Variants in KCNB2 observed in about 807,000 individuals in gnomAD.
KCNB2 encodes potassium voltage-gated channel subfamily B member 2.
KCNB2 carries 15 observed loss-of-function variants against 61.5 expected under a neutral mutation model. The ratio of observed to expected loss-of-function variants is 0.24; its 90% CI spans 0.16 to 0.38. The LOEUF is 0.38. Among genes scored for constraint, KCNB2 ranks in the 10% least tolerant of loss-of-function variants. KCNB2 has a pLI of 1.00. For missense variants in KCNB2, 828 were observed against 1,125.2 expected (o/e 0.74, Z 3.78); for synonymous variants, 457 against 446.0 (o/e 1.02, Z -0.31).
intron 2 of KCNB2, among the ~76,000 whole-genome samples, chr8:72,581,150 T>C (rs1806887440): frequency 6.6e-6 from 1 of 152,142 alleles, no homozygotes; most frequent in South Asian, 2.1e-4. Context: ...AGAAGGAACA[T>C]CATTTTTTTC....
intron 2 of KCNB2, among the ~76,000 whole-genome samples, chr8:72,622,476 T>C (rs1805728972): frequency 1.3e-5 from 2 of 152,176 alleles, no homozygotes; most frequent in Admixed American, 1.3e-4. Context: ...ATGATCAACC[T>C]TGATGGAATA....
At chr8:72,906,198 G>A (rs1263414395) in intron 2 of KCNB2, among the ~76,000 whole-genome samples, 1 of 152,136 alleles carries the variant, frequency 6.6e-6, no homozygotes, top group Non-Finnish European at 1.5e-5. Context: ...TGAGACCCAG[G>A]CCTTGTGCCT....
chr8:72,748,853 A>G (rs1448025384), intron 2 of KCNB2, among the ~76,000 whole-genome samples: 1 of 151,956 alleles, frequency 6.6e-6, no homozygotes, highest in African/African-American at 2.4e-5. Context: ...ATTTTTTTGC[A>G]GTGAGAACAC....
chr8:72,827,381 C>T (rs941559558), intron 2 of KCNB2, among the ~76,000 whole-genome samples: 2 of 151,998 alleles, frequency 1.3e-5, no homozygotes, highest in African/African-American at 4.8e-5. Context: ...ATTTTTTAAA[C>T]CAATATACTC....
At chr8:72,831,540 G>A (rs1809695794) in intron 2 of KCNB2, among the ~76,000 whole-genome samples, 1 of 152,210 alleles carries the variant, frequency 6.6e-6, no homozygotes, top group South Asian at 2.1e-4. Context: ...GATTCAAACA[G>A]TGGACACGGA....
At chr8:72,775,724 TA>T (rs59529067) in intron 2 of KCNB2, among the ~76,000 whole-genome samples, 93,560 of 145,688 alleles carry the variant, frequency 0.64, 29,616 homozygotes, top group East Asian at 0.75. Flanking sequence ...GAATGAGCTT[TA>T]AAAAAAAAAA....
intron 2 of KCNB2, among the ~76,000 whole-genome samples, chr8:72,867,244 T>C (rs146390546): frequency 7.9e-5 from 12 of 152,344 alleles, no homozygotes; most frequent in South Asian, 2.1e-4. Flanking sequence ...TTGTGAAGCA[T>C]ATGGCTTGAT....
At chr8:72,740,385 C>G (rs16938345) in intron 2 of KCNB2, among the ~76,000 whole-genome samples, 3,866 of 152,222 alleles carry the variant, frequency 0.025, 68 homozygotes, top group South Asian at 0.075. Flanking sequence ...CAAGATTCAG[C>G]TCTCAACGTA....
intron 2 of KCNB2, among the ~76,000 whole-genome samples, chr8:72,855,011 C>G (rs988082037): frequency 6.6e-6 from 1 of 152,118 alleles, no homozygotes; most frequent in Non-Finnish European, 1.5e-5. Context: ...GGAGGCCTTC[C>G]CAGTGGGGAC....
At chr8:72,785,489 A>G (rs1808832121) in intron 2 of KCNB2, among the ~76,000 whole-genome samples, 1 of 152,164 alleles carries the variant, frequency 6.6e-6, no homozygotes, top group African/African-American at 2.4e-5. Context: ...GAAAGAAAAT[A>G]AAGTTAATCA....
intron 1 of KCNB2, among the ~76,000 whole-genome samples, chr8:72,563,183 A>C (rs945752330): frequency 3.9e-5 from 6 of 152,190 alleles, no homozygotes; most frequent in African/African-American, 1.4e-4. Flanking sequence ...TGATAAGTTT[A>C]TTTCTATCTA....
chr8:72,892,950 G>T (rs1805923839), intron 2 of KCNB2, among the ~76,000 whole-genome samples: 1 of 152,082 alleles, frequency 6.6e-6, no homozygotes, highest in African/African-American at 2.4e-5. Context: ...TATGAGCTTT[G>T]CAGTGTCAGC....
intron 2 of KCNB2, among the ~76,000 whole-genome samples, chr8:72,606,753 C>G (rs562811117): frequency 6.6e-6 from 1 of 152,168 alleles, no homozygotes; most frequent in Non-Finnish European, 1.5e-5. Flanking sequence ...AATGAATATC[C>G]ACCCCTTCAC....
rs149046685 is a variant in KCNB2, at chr8:72,864,926, G to C, written c.580-71009G>C. Among the ~76,000 whole-genome samples, 604 of 152,256 alleles carry C rather than the reference G, an allele frequency of 4.0e-3. 4 individuals carry two copies. Among genetic ancestry groups the C allele is most frequent in the African/African-American group, 0.012 (505 of 41,540 alleles). The stretch of plus-strand genomic sequence containing the variant: ...CGAGAAGGAATCAGAACCAGCATTA[G>C]ATACTTATATGTTTGTCCTGCTGAC... On this transcript the variant is annotated intron_variant, in intron 2 of 2. Transcript: ENST00000523207.
At chr8:72,569,667 T>C (rs192792691) in intron 2 of KCNB2, among the ~76,000 whole-genome samples, 74 of 152,278 alleles carry the variant, frequency 4.9e-4, no homozygotes, top group Non-Finnish European at 9.4e-4. Context: ...TGGGTTTTGA[T>C]TGAGAAAGGC....
At chr8:72,597,001 C>CTTTTTTTTTTTTTTTTTTTTT (rs869160203) in intron 2 of KCNB2, among the ~76,000 whole-genome samples, 3 of 64,660 alleles carry the variant, frequency 4.6e-5, no homozygotes, top group Admixed American at 1.8e-4. Context: ...TGCTTGCTTG[C>CTTTTTTTTTTTTTTTTTTTTT]TTTTTTTTTT....
intron 2 of KCNB2, among the ~76,000 whole-genome samples, chr8:72,923,217 G>A (rs964328221): frequency 8.6e-5 from 13 of 151,904 alleles, no homozygotes; most frequent in Admixed American, 2.6e-4. Flanking sequence ...AGAATAGATT[G>A]TGTTTCTTAT....
At chr8:72,927,066 T>C (rs1031135870) in intron 2 of KCNB2, among the ~76,000 whole-genome samples, 34 of 152,110 alleles carry the variant, frequency 2.2e-4, no homozygotes, top group African/African-American at 8.2e-4. Flanking sequence ...AGGCATGGAG[T>C]GGGGCCGGAG....
chr8:72,611,883 T>C (rs1014201605), intron 2 of KCNB2, among the ~76,000 whole-genome samples: 17 of 152,080 alleles, frequency 1.1e-4, no homozygotes, highest in Admixed American at 7.9e-4. Context: ...CGTTTTCAAA[T>C]GGGAACAATA....
Sources: allele counts gnomAD v4.1 joint callset (sites outside exome capture counted in the v4.1 genomes callset), GRCh38; gene constraint gnomAD v4.1.1; transcripts MANE v1.5; gene names NCBI Gene and HGNC (gene_info 2026-07-23, HGNC 2026-07-21).